UBR3: variants seen among roughly 807,000 people sequenced by gnomAD.
UBR3 encodes E3 ubiquitin-protein ligase UBR3.
In UBR3, 85 loss-of-function variants were observed where a neutral mutation model predicts 243.2. That is an observed-to-expected ratio of 0.35 (90% CI 0.29 to 0.42). UBR3 has a LOEUF of 0.42. Among genes scored for constraint, UBR3 ranks in the 10% least tolerant of loss-of-function variants. The pLI is 1.00. For missense variants in UBR3, 1,686 were observed against 2,300.8 expected (o/e 0.73, Z 5.47); for synonymous variants, 748 against 799.8 (o/e 0.94, Z 1.09).
In UBR3 at chr2:169,871,743, C is replaced by CAA. The variant is rs562559554; in HGVS notation, c.546-481_546-480dup. On this transcript the variant is annotated intron_variant, in intron 1 of 38. Coordinates refer to ENST00000272793, the MANE Select transcript of UBR3 (RefSeq NM_172070.4). ...AGCCTGGACGTCAGACCAAGACTCTCAAAAAAAAAAAAAGAATATAAACAA... is the reference window on the plus strand; with the variant it reads ...AGCCTGGACGTCAGACCAAGACTCTCAAAAAAAAAAAAAAAGAATATAAACAA... Among the ~76,000 whole-genome samples the CAA allele has an allele frequency of 1.4e-4, 13 of 95,026 alleles. 1 individual carries two copies. The highest frequency in any genetic ancestry group is 1.7e-4 in the African/African-American group (5 of 29,344). The allele number at this position is 95,026 out of a possible 152,430, so 62.3% of individuals were successfully genotyped here.
At chr2:170,007,335 C>T (rs1303902341) in intron 28 of UBR3, 145 bp downstream of exon 28, 2 of 798,622 alleles carry the variant, frequency 2.5e-6, no homozygotes, top group Non-Finnish European at 3.9e-6. Context: ...TCTATTTATA[C>T]TTAAATAAAA....
chr2:169,927,352 A>G lies in UBR3; in HGVS notation c.2371A>G (p.Met791Val). 6.4e-7 allele frequency: 1 copy of G among 1,551,104 alleles called. No individual in the cohort carries two copies. Among genetic ancestry groups the G allele is most frequent in the Non-Finnish European group, 8.7e-7 (1 of 1,146,744 alleles). ...TGATGATGAGATTCTCAGGGCCGAG[A>G]TGGTAGCCCAGCTGTGTATGAATGA... ...MSDDEILRAE[M>V]VAQLCMNDRT... Residue 791 changes from methionine to valine, a missense_variant, in exon 17 of 39, where the codon ATG becomes GTG. Around this residue, in one of 8 missense-constraint regions of UBR3, gnomAD observed 346 missense variants for 585.8 expected, o/e 0.59. Coordinates refer to ENST00000272793, the MANE Select transcript of UBR3 (RefSeq NM_172070.4).
intron 36 of UBR3, chr2:170,078,106 CT>C: frequency 4.7e-6 from 3 of 636,382 alleles, no homozygotes; most frequent in South Asian, 1.5e-5. Context: ...TCTTGATGGT[CT>C]TTTTCATTTG....
intron 1 of UBR3, among the ~76,000 whole-genome samples, chr2:169,841,875 A>G (rs925271920): frequency 2.6e-5 from 4 of 152,118 alleles, no homozygotes; most frequent in African/African-American, 7.2e-5. Context: ...CCCCTACTCC[A>G]CGGTGCCCAG....
At chr2:169,981,885 A>T (rs898913981) in intron 24 of UBR3, among the ~76,000 whole-genome samples, 2 of 152,194 alleles carry the variant, frequency 1.3e-5, no homozygotes, top group African/African-American at 4.8e-5. Flanking sequence ...GAATGATAAT[A>T]AAAATGATGA....
At chr2:169,926,080 G>C (rs1161953538) in intron 14 of UBR3, among the ~76,000 whole-genome samples, 1 of 152,192 alleles carries the variant, frequency 6.6e-6, no homozygotes, top group Non-Finnish European at 1.5e-5. Flanking sequence ...GGCTGTATCT[G>C]GCTCTGCGGT....
intron 20 of UBR3, 55 bp from the exon 21 acceptor site, chr2:169,946,233 G>T: frequency 9.6e-7 from 1 of 1,043,306 alleles, no homozygotes; most frequent in South Asian, 1.7e-5. Context: ...ATCTCTAAAT[G>T]AAATACCTTT....
intron 4 of UBR3, 149 bp downstream of exon 4, chr2:169,877,786 T>C (rs541190917): frequency 9.3e-5 from 74 of 797,390 alleles, no homozygotes; most frequent in Admixed American, 4.7e-4. Flanking sequence ...TAGTAAAAAT[T>C]TAGAGGCAAA....
intron 8 of UBR3, among the ~76,000 whole-genome samples, chr2:169,900,747 T>C (rs1324317573): frequency 1.4e-5 from 2 of 142,904 alleles, no homozygotes; most frequent in African/African-American, 2.5e-5. Flanking sequence ...CCTGCCTCCC[T>C]TTTTTTTTTT....
intron 32 of UBR3, among the ~76,000 whole-genome samples, chr2:170,050,098 G>A (rs1209923885): frequency 6.6e-6 from 1 of 152,108 alleles, no homozygotes; most frequent in South Asian, 2.1e-4. Flanking sequence ...TTAGTTGTTA[G>A]ACGGACTTGG....
Position 170,061,947 on chromosome 2 carries a change from G to A in UBR3, c.5019+504G>A, listed in dbSNP as rs116306366. 7.1e-3 allele frequency among the ~76,000 whole-genome samples: 1,083 copies of A among 152,132 alleles called. 7 individuals are homozygous for A. Among genetic ancestry groups the A allele is most frequent in the African/African-American group, 0.025 (1,018 of 41,486 alleles). Reference sequence around the variant, plus strand: ...TTTTTATGATAATATTACTAATATTGGATATTTGAGCAGCTTTGGATTAGA... The same window carrying A: ...TTTTTATGATAATATTACTAATATTAGATATTTGAGCAGCTTTGGATTAGA... On this transcript the variant is annotated intron_variant, in intron 35 of 38. Coordinates refer to ENST00000272793, the MANE Select transcript of UBR3 (RefSeq NM_172070.4).
intron 31 of UBR3, 37 bp from the exon 32 acceptor site, chr2:170,040,845 T>C: frequency 1.4e-6 from 2 of 1,471,686 alleles, no homozygotes. Flanking sequence ...AGAGAAGATA[T>C]ACAATACTAT....
intron 1 of UBR3, among the ~76,000 whole-genome samples, chr2:169,847,100 TGTGTGTGTGTGTGTGTGTGTGTGTGC>T (rs1013496600): frequency 3.5e-5 from 2 of 57,570 alleles, no homozygotes; most frequent in African/African-American, 5.1e-5. Flanking sequence ...TGTGTGTGTG[TGTGTGTGTGTGTGTGTGTGTGTGTGC>T]GCTGGCAGTT....
intron 16 of UBR3, 27 bp downstream of exon 16, chr2:169,926,998 T>C (rs1295270316): frequency 2.0e-6 from 3 of 1,536,034 alleles, no homozygotes; most frequent in South Asian, 1.2e-5. Context: ...CTAATACTTA[T>C]GCATTAACTG....
chr2:169,828,884 A>G (rs1025065827), intron 1 of UBR3, among the ~76,000 whole-genome samples: 1 of 152,186 alleles, frequency 6.6e-6, no homozygotes, highest in African/African-American at 2.4e-5. Flanking sequence ...GATGCATCAG[A>G]TGTTGGGACT....
chr2:170,024,353 CAAAAA>C (rs10606818), intron 30 of UBR3, among the ~76,000 whole-genome samples: 91 of 101,956 alleles, frequency 8.9e-4, no homozygotes, highest in South Asian at 2.4e-3. Flanking sequence ...GACTCCATCT[CAAAAA>C]AAAAAAAAAA....
intron 30 of UBR3, among the ~76,000 whole-genome samples, chr2:170,024,718 T>C (rs1559197318): frequency 6.6e-6 from 1 of 152,188 alleles, no homozygotes; most frequent in Non-Finnish European, 1.5e-5. Flanking sequence ...TATAATTAAG[T>C]CTTAGATTTT....
intron 5 of UBR3, among the ~76,000 whole-genome samples, chr2:169,881,787 GTATATT>G (rs1478431020): frequency 7.5e-6 from 1 of 132,946 alleles, no homozygotes; most frequent in African/African-American, 2.8e-5. Flanking sequence ...TAATATATAT[GTATATT>G]TATATTTATG....
chr2:169,976,291 G>C (rs1338565558), intron 24 of UBR3, among the ~76,000 whole-genome samples: 1 of 151,292 alleles, frequency 6.6e-6, no homozygotes, highest in African/African-American at 2.4e-5. Context: ...GTGATTTTCT[G>C]TAGTGATAAT....
Sources: allele counts gnomAD v4.1 joint callset (sites outside exome capture counted in the v4.1 genomes callset), GRCh38; gene constraint gnomAD v4.1.1; regional missense constraint gnomAD v4.1.1; transcripts MANE v1.5; gene names NCBI Gene and HGNC (gene_info 2026-07-23, HGNC 2026-07-21).